RPRD1B: variants seen among roughly 807,000 people sequenced by gnomAD.
RPRD1B encodes regulation of nuclear pre-mRNA domain-containing protein 1B.
RPRD1B carries 11 observed loss-of-function variants against 41.5 expected under a neutral mutation model. That is an observed-to-expected ratio of 0.27 (90% confidence interval 0.17 to 0.44). RPRD1B has a LOEUF of 0.44. RPRD1B is among the 20% of genes least tolerant of loss of function. The pLI is 1.00. For missense variants in RPRD1B, 248 were observed against 389.9 expected (o/e 0.64, Z 3.06); for synonymous variants, 158 against 155.6 (o/e 1.02, Z -0.12).
At chr20:38,088,404 C>G (rs1043711474) in intron 6 of RPRD1B, among the ~76,000 whole-genome samples, 3 of 152,192 alleles carry the variant, frequency 2.0e-5, no homozygotes, top group African/African-American at 7.2e-5. Context: ...GGGAACACAT[C>G]CACGGTCACA....
intron 3 of RPRD1B, among the ~76,000 whole-genome samples, chr20:38,051,164 C>G (rs557789875): frequency 1.3e-5 from 2 of 152,322 alleles, no homozygotes; most frequent in Non-Finnish European, 2.9e-5. Context: ...AAACCTGTCT[C>G]TCAAGGTGTT....
intron 6 of RPRD1B, among the ~76,000 whole-genome samples, chr20:38,086,256 A>G (rs1011955971): frequency 2.0e-5 from 3 of 152,238 alleles, no homozygotes; most frequent in African/African-American, 4.8e-5. Context: ...TTAGTGGACT[A>G]TAAAAATTAC....
chr20:38,082,376 G>A (rs1355039433), intron 6 of RPRD1B, among the ~76,000 whole-genome samples: 1 of 151,856 alleles, frequency 6.6e-6, no homozygotes, highest in Non-Finnish European at 1.5e-5. Context: ...TTCTTTTTTT[G>A]TTGTTGTTTT....
chr20:38,066,264 C>T lies in RPRD1B; in HGVS notation c.831+8C>T. ...AAGGAGAAAAAACTAGAGGTGAGTG[C>T]ATTGAAGGCAGACCCAGACTGCCCA... On this transcript the variant is annotated splice_region_variant and intron_variant, in intron 6 of 6. Coordinates refer to ENST00000373433, the MANE Select transcript of RPRD1B (RefSeq NM_021215.4). 1 of 1,613,256 alleles carries T rather than the reference C, an allele frequency of 6.2e-7. No homozygotes were observed. The highest frequency in any genetic ancestry group is 8.5e-7 in the Non-Finnish European group (1 of 1,179,366).
At chr20:38,084,284 C>G (rs543828898) in intron 6 of RPRD1B, among the ~76,000 whole-genome samples, 3 of 152,206 alleles carry the variant, frequency 2.0e-5, no homozygotes, top group Admixed American at 2.0e-4. Context: ...TAAACTGCTT[C>G]GTGCACGATA....
chr20:38,043,235 C>T (rs998899161), intron 2 of RPRD1B, among the ~76,000 whole-genome samples: 5 of 152,132 alleles, frequency 3.3e-5, no homozygotes, highest in East Asian at 1.9e-4. Flanking sequence ...GGTAATCATG[C>T]GAAGCGGGAG....
At chr20:38,080,993 T>C (rs953198144) in intron 6 of RPRD1B, among the ~76,000 whole-genome samples, 4 of 152,218 alleles carry the variant, frequency 2.6e-5, no homozygotes, top group Non-Finnish European at 4.4e-5. Flanking sequence ...CTTTGGCTAT[T>C]TGGGCTTTTT....
intron 2 of RPRD1B, among the ~76,000 whole-genome samples, chr20:38,043,032 G>C (rs1411221911): frequency 1.3e-5 from 2 of 152,186 alleles, no homozygotes; most frequent in Non-Finnish European, 2.9e-5. Context: ...ACATGTATTG[G>C]AGTGCCTTCT....
intron 6 of RPRD1B, among the ~76,000 whole-genome samples, chr20:38,079,049 A>C (rs1208189116): frequency 6.6e-6 from 1 of 152,178 alleles, no homozygotes; most frequent in Non-Finnish European, 1.5e-5. Context: ...AAATAATAGA[A>C]TATGGGAGGG....
chr20:38,078,122 C>T (rs1460774045), intron 6 of RPRD1B, among the ~76,000 whole-genome samples: 3 of 151,246 alleles, frequency 2.0e-5, no homozygotes, highest in South Asian at 2.1e-4. Context: ...GAGCCATGAT[C>T]GTGCCACTGC....
chr20:38,060,666 G>A (rs139279826), intron 5 of RPRD1B, among the ~76,000 whole-genome samples: 1 of 152,230 alleles, frequency 6.6e-6, no homozygotes, highest in African/African-American at 2.4e-5. Flanking sequence ...GGCAGTGGGC[G>A]TACTGGGTTG....
At position 38,090,289 on chromosome 20, in the gene RPRD1B, C is replaced by G. The variant is rs776598140; in HGVS notation, c.*414C>G. ...TTTCTGGGCTGGGCTTGTTCAAGTT[C>G]GGTGTGGGCTTCCACTAAGGCACTT... On this transcript the variant is annotated 3_prime_UTR_variant, in exon 7 of 7. Transcript: ENST00000373433. The G allele has an allele frequency of 1.7e-4, 171 of 988,282 alleles. No individual in the cohort carries two copies. The highest frequency in any genetic ancestry group is 2.0e-4 in the Non-Finnish European group (166 of 831,602). 61.2% of individuals were successfully genotyped at this position (988,282 alleles called of 1,614,324 possible).
intron 6 of RPRD1B, among the ~76,000 whole-genome samples, chr20:38,088,332 G>A (rs1397606700): frequency 6.6e-6 from 1 of 152,212 alleles, no homozygotes; most frequent in Non-Finnish European, 1.5e-5. Flanking sequence ...CTGGTATCAA[G>A]GAATTTAGAA....
intron 6 of RPRD1B, among the ~76,000 whole-genome samples, chr20:38,084,541 C>G (rs993863222): frequency 4.6e-5 from 7 of 152,128 alleles, no homozygotes; most frequent in Admixed American, 3.9e-4. Context: ...CAATGCCAGC[C>G]CCTGTCATTT....
At chr20:38,052,772 T>G (rs946415451) in intron 3 of RPRD1B, among the ~76,000 whole-genome samples, 6 of 149,672 alleles carry the variant, frequency 4.0e-5, no homozygotes, top group African/African-American at 1.5e-4. Flanking sequence ...TTTTTTTTTT[T>G]TTTTTTTTAA....
intron 6 of RPRD1B, among the ~76,000 whole-genome samples, chr20:38,073,310 G>A (rs1043028959): frequency 1.3e-5 from 2 of 152,170 alleles, no homozygotes; most frequent in African/African-American, 4.8e-5. Context: ...TCACGCTCTT[G>A]CTCTGATAGG....
chr20:38,066,905 T>G (rs1568656252), intron 6 of RPRD1B, among the ~76,000 whole-genome samples: 1 of 152,174 alleles, frequency 6.6e-6, no homozygotes, highest in Non-Finnish European at 1.5e-5. Context: ...TCTGCCCACC[T>G]CAGCCTCCCA....
rs1446453046 is a variant in RPRD1B at position 38,057,588 on chromosome 20, G to C, written c.472G>C (p.Asp158His). ...TTTTCAGCAAATTCAGGAGGAGGAG[G>C]ATGACGACTACCCTGGCAGCTACTC... is the stretch of plus-strand genomic sequence containing the variant. ...RTFQQIQEEE[D>H]DDYPGSYSPQ... Residue 158 changes from aspartate (D) to histidine (H), a missense_variant, in exon 4 of 7, where the codon GAT becomes CAT. Asp to His is a moderately conservative substitution (Grantham distance 81). Coordinates refer to ENST00000373433, the MANE Select transcript of RPRD1B (RefSeq NM_021215.4). 6 of 1,614,122 alleles carry C rather than the reference G, an allele frequency of 3.7e-6. No homozygotes were observed. The highest frequency in any genetic ancestry group is 3.4e-6 in the Non-Finnish European group (4 of 1,179,996).
intron 6 of RPRD1B, among the ~76,000 whole-genome samples, chr20:38,067,567 G>A (rs756245418): frequency 6.6e-6 from 1 of 152,192 alleles, no homozygotes; most frequent in Non-Finnish European, 1.5e-5. Context: ...GGAAATGAGT[G>A]GCAGGCACTT....
Sources: gnomAD v4.1 joint callset for allele counts (sites outside exome capture counted in the v4.1 genomes callset) on GRCh38, gnomAD v4.1.1 for gene constraint, MANE v1.5 for transcripts, NCBI Gene and HGNC (gene_info 2026-07-23, HGNC 2026-07-21) for gene names.